The following FKBP15 variants were observed in gnomAD, a reference collection of about 807,000 sequenced individuals.
The protein encoded by FKBP15 is FK506-binding protein 15.
A neutral mutation model predicts 158.1 loss-of-function variants in FKBP15; 106 were observed. The observed-to-expected ratio is 0.67, with a 90% CI of 0.57 to 0.79. The LOEUF is 0.79. Among genes scored for constraint, FKBP15 ranks in the 30% least tolerant of loss-of-function variants. The pLI, the probability that FKBP15 is intolerant of heterozygous loss-of-function variation, is 0.00. For synonymous variants in FKBP15, 547 were observed against 548.6 expected, an observed-to-expected ratio of 1.00 and a Z score of 0.04; for missense variants, 1,287 against 1,479.1, an observed-to-expected ratio of 0.87 and a Z score of 2.13.
At chr9:113,203,278 T>C (rs1830828210) in intron 4 of FKBP15, among the ~76,000 whole-genome samples, 1 of 152,222 alleles carries the variant, frequency 6.6e-6, no homozygotes, top group African/African-American at 2.4e-5. Flanking sequence ...ATTTTGTTGG[T>C]GTTTTCATTT....
intron 23 of FKBP15, 22 bp downstream of exon 23, chr9:113,173,431 C>T (rs1830248364): frequency 6.2e-7 from 1 of 1,608,450 alleles, no homozygotes; most frequent in Non-Finnish European, 8.5e-7. Flanking sequence ...CCTAAACTGT[C>T]TGACTCAAGA....
rs770110544 is a variant in FKBP15 at position 113,161,675 on chromosome 9, C to A, written c.*4403G>T. 6.2e-7 allele frequency: 1 copy of A among 1,613,870 alleles called. No homozygotes were observed. The highest frequency in any genetic ancestry group is 1.3e-5 in the African/African-American group (1 of 74,912). ...GGGACTCTGCAGGCTCAGATTCATTCCCTGTTGGCAGAACCCACCACAGGT... is the reference window on the plus strand; with the variant it reads ...GGGACTCTGCAGGCTCAGATTCATTACCTGTTGGCAGAACCCACCACAGGT... On this transcript the variant is annotated 3_prime_UTR_variant, in exon 28 of 28. Transcript: ENST00000238256.
intron 14 of FKBP15, 156 bp from the exon 15 acceptor site, chr9:113,186,519 G>A (rs1487760523): frequency 1.6e-6 from 1 of 617,268 alleles, no homozygotes; most frequent in East Asian, 2.8e-5. Flanking sequence ...CAGTTGGTAA[G>A]GACTGCAGCA....
In FKBP15 at chr9:113,170,624, C is replaced by T. The variant is rs1242161848; in HGVS notation, c.2664G>A (p.Lys888=). 4.3e-6 allele frequency: 7 copies of T among 1,610,866 alleles called. No individual in the cohort carries two copies. In the Admixed American group the frequency reaches 1.0e-4, roughly 23 times the overall value. Residue 888 remains lysine (K), a synonymous_variant, in exon 25 of 28, where the codon AAG becomes AAA. Transcript: ENST00000238256. ...AAASDPSEKV[K]KIMNQVFQSL... ...ACTGGAACACCTGGTTCATGATCTTCTTGACCTGTGTGAACATCAAAACAC... is the reference window on the plus strand; with the variant it reads ...ACTGGAACACCTGGTTCATGATCTTTTTGACCTGTGTGAACATCAAAACAC...
In FKBP15 at chr9:113,174,456, A is replaced by T; in HGVS notation, c.2351T>A (p.Val784Glu). ...CTCTGCAGCTGCTTGGTCTGTGGAC[A>T]CTCGAGTCTTTTTCAAGAGCTGTCG... ...KLRQLLKKTR[V>E]STDQAAAEQL... The change falls in exon 22 of 28, where the codon GTG becomes GAG. Residue 784 changes from valine (V) to glutamate (E), a missense_variant. Val to Glu is a moderately radical substitution (Grantham distance 121). Transcript: ENST00000238256. 1.2e-6 allele frequency: 2 copies of T among 1,613,878 alleles called. No individual in the cohort carries two copies. The highest frequency in any genetic ancestry group is 1.7e-6 in the Non-Finnish European group (2 of 1,179,834).
chr9:113,204,247 T>G (rs1189081841), intron 4 of FKBP15, among the ~76,000 whole-genome samples: 1 of 152,088 alleles, frequency 6.6e-6, no homozygotes, highest in African/African-American at 2.4e-5. Context: ...CTGGCTAATT[T>G]TTTTGTATTT....
intron 1 of FKBP15, among the ~76,000 whole-genome samples, chr9:113,218,781 C>T (rs1393236385): frequency 2.6e-5 from 4 of 152,162 alleles, no homozygotes; most frequent in Non-Finnish European, 5.9e-5. Flanking sequence ...TCCAAAGTCA[C>T]ATTCCTAACT....
intron 2 of FKBP15, among the ~76,000 whole-genome samples, chr9:113,210,559 T>C (rs527875958): frequency 2.3e-4 from 35 of 152,290 alleles, no homozygotes; most frequent in African/African-American, 8.4e-4. Flanking sequence ...TCTCGATCTC[T>C]TGACCTCGTG....
chr9:113,194,579 T>C (rs1830636248), intron 9 of FKBP15, among the ~76,000 whole-genome samples: 1 of 152,078 alleles, frequency 6.6e-6, no homozygotes, highest in Admixed American at 6.5e-5. Context: ...TCAGAAAATG[T>C]AGCTCAGCCA....
intron 4 of FKBP15, among the ~76,000 whole-genome samples, chr9:113,203,493 ACCAATATTCTGACTTCTGT>A (rs1355686032): frequency 6.6e-6 from 1 of 151,520 alleles, no homozygotes; most frequent in African/African-American, 2.4e-5. Context: ...CCCTGAGATA[ACCAATATTCTGACTTCTGT>A]CGCTGATTAA....
chr9:113,199,728 GC>G, intron 7 of FKBP15, 85 bp downstream of exon 7: 1 of 1,336,608 alleles, frequency 7.5e-7, no homozygotes, highest in Non-Finnish European at 1.0e-6. Flanking sequence ...GACAACAGCA[GC>G]CGTTCACAGT....
chr9:113,216,610 G>C (rs1831140631), intron 1 of FKBP15, among the ~76,000 whole-genome samples: 1 of 152,160 alleles, frequency 6.6e-6, no homozygotes, highest in Non-Finnish European at 1.5e-5. Flanking sequence ...GGAAGAGTTG[G>C]GTTTCACTAT....
At chr9:113,171,797 T>C in intron 23 of FKBP15, 91 bp from the exon 24 acceptor site, 1 of 1,056,296 alleles carries the variant, frequency 9.5e-7, no homozygotes, top group Non-Finnish European at 1.2e-6. Flanking sequence ...ACATCAAGTC[T>C]CTTTTTTTTT....
chr9:113,197,774 C>T (rs1323495559), intron 8 of FKBP15, among the ~76,000 whole-genome samples: 1 of 152,200 alleles, frequency 6.6e-6, no homozygotes, highest in Non-Finnish European at 1.5e-5. Context: ...GAATTATCCC[C>T]ATTTTACTTC....
At position 113,166,070 on chromosome 9, in the gene FKBP15, C is replaced by A; in HGVS notation, c.*8G>T. ...GCAGAGAAACCTTTGCACCAGTTTC[C>A]TGGGTCTTCATCCCAGCCAGTCAAT... On this transcript the variant is annotated 3_prime_UTR_variant, in exon 28 of 28. Transcript: ENST00000238256. 1.9e-6 allele frequency: 3 copies of A among 1,612,662 alleles called. No individual in the cohort carries two copies. Among genetic ancestry groups the A allele is most frequent in the Non-Finnish European group, 2.5e-6 (3 of 1,179,380 alleles).
At position 113,202,936 on chromosome 9, in the gene FKBP15, T is replaced by G. The variant is rs754339937; in HGVS notation, c.399+25A>C. ...TGTAAACCTATCCCGAAGGAGCTAA[T>G]GATTCCAATATGATGAAGTCTTACC... On this transcript the variant is annotated intron_variant, in intron 5 of 27. Coordinates refer to ENST00000238256, the MANE Select transcript of FKBP15 (RefSeq NM_015258.2). 1.3e-5 allele frequency: 20 copies of G among 1,578,282 alleles called. No homozygotes were observed. The Admixed American group carries it at 3.4e-4, about 27-fold the overall frequency.
At chr9:113,197,563 G>A (rs1830711356) in intron 8 of FKBP15, among the ~76,000 whole-genome samples, 1 of 152,104 alleles carries the variant, frequency 6.6e-6, no homozygotes, top group Non-Finnish European at 1.5e-5. Flanking sequence ...CAGCTACTCG[G>A]GAGGCTGAGG....
In FKBP15 at chr9:113,211,504, T is replaced by C. The variant is rs1248159601; in HGVS notation, c.142A>G (p.Lys48Glu). 6.2e-7 allele frequency: 1 copy of C among 1,609,172 alleles called. No homozygotes were observed. The highest frequency in any genetic ancestry group is 1.1e-5 in the South Asian group (1 of 89,560). Residue 48 changes from lysine (K) to glutamate (E), a missense_variant, in exon 2 of 28, where the codon AAG (lysine) becomes GAG (glutamate). By Grantham distance (56) the Lys-to-Glu change is moderately conservative. Transcript: ENST00000238256. ...FFQYTAPKQP[K>E]KGQGTAATGN... ...GTTGCTGCCGTTCCCTGGCCTTTCTTAGGCTGTTTTGGGGCTGTGTACTGG... is the reference window on the plus strand; with the variant it reads ...GTTGCTGCCGTTCCCTGGCCTTTCTCAGGCTGTTTTGGGGCTGTGTACTGG...
Position 113,162,905 on chromosome 9 carries a change from C to T in FKBP15, c.*3173G>A. 1 of 1,610,156 alleles carries T rather than the reference C, an allele frequency of 6.2e-7. No individual in the cohort carries two copies. The highest frequency in any genetic ancestry group is 2.2e-5 in the East Asian group (1 of 44,664). ...GCTACTACCTAGCTTACCCACTTCT[C>T]AGCACAGCTTAGCTGGTGAGGAACG... On this transcript the variant is annotated 3_prime_UTR_variant, in exon 28 of 28. Coordinates refer to ENST00000238256, the MANE Select transcript of FKBP15 (RefSeq NM_015258.2).
Sources: gnomAD v4.1 joint callset for allele counts (sites outside exome capture counted in the v4.1 genomes callset) on GRCh38, gnomAD v4.1.1 for gene constraint, MANE v1.5 for transcripts, NCBI Gene and HGNC (gene_info 2026-07-23, HGNC 2026-07-21) for gene names.